TUBB1: variants seen among roughly 807,000 people sequenced by gnomAD.
TUBB1 encodes the protein tubulin beta 1 class VI.
TUBB1 carries 28 observed loss-of-function variants against 22.6 expected under a neutral mutation model. That is an observed-to-expected ratio of 1.24 (90% CI 0.92 to 1.70). The LOEUF is 1.70. Ranked by LOEUF, TUBB1 falls within the 40% of genes most tolerant of loss-of-function variation. The probability of loss-of-function intolerance (pLI) is 0.00; values close to 1 mark genes in which losing one functional copy is unlikely to be tolerated. For missense variants in TUBB1, 577 were observed against 605.5 expected, an observed-to-expected ratio of 0.95 and a Z score of 0.49; for synonymous variants, 226 against 238.0, an observed-to-expected ratio of 0.95 and a Z score of 0.46.
chr20:59,023,399 T>G (rs2091977255), intron 2 of TUBB1, 91 bp from the exon 3 acceptor site: 1 of 1,187,506 alleles, frequency 8.4e-7, no homozygotes. Context: ...TCCATGATTT[T>G]TTTTGGACCA....
intron 1 of TUBB1, among the ~76,000 whole-genome samples, chr20:59,021,257 G>C (rs1448788423): frequency 6.6e-6 from 1 of 152,206 alleles, no homozygotes; most frequent in Non-Finnish European, 1.5e-5. Context: ...TCTCACTCTG[G>C]AATCGTATGG....
In TUBB1 at chr20:59,024,300, G is replaced by A. The variant is rs751253773; in HGVS notation, c.873G>A (p.Gln291=). The A allele has an allele frequency of 5.0e-6, 8 of 1,613,986 alleles. No homozygotes were observed. The East Asian group carries it at 1.6e-4, about 31-fold the overall frequency. Residue 291 remains glutamine, a synonymous_variant, in exon 4 of 4, where the codon CAG becomes CAA. Transcript: ENST00000217133. The surrounding 1 kb of genome is among the most constrained non-coding windows in gnomAD (Gnocchi z 4.9). ...YRALSVAELT[Q]QMFDARNTMA... ...CCCTCTCCGTGGCCGAGCTCACCCA[G>A]CAGATGTTCGATGCCCGCAATACCA...
chr20:59,021,208 C>A (rs1055187142), intron 1 of TUBB1, among the ~76,000 whole-genome samples: 1 of 152,178 alleles, frequency 6.6e-6, no homozygotes, highest in Non-Finnish European at 1.5e-5. Flanking sequence ...CGGAAAGGGG[C>A]CCTCAAGAGA....
rs2091994289 is a variant in TUBB1 at position 59,026,314 on chromosome 20, GCTTT to G, written c.*1534_*1537del. 1 of 152,110 alleles carries G rather than the reference GCTTT, an allele frequency of 6.6e-6. No homozygotes were observed. Among genetic ancestry groups the G allele is most frequent in the South Asian group, 2.1e-4 (1 of 4,828 alleles). The allele number at this position is 152,110 out of a possible 1,614,324, so 9.4% of individuals were successfully genotyped here. The stretch of plus-strand genomic sequence containing the variant: ...ACAAAACAACATTCATGTTTTAAAT[GCTTT>G]CTACTTGTGGTTCAAGAAGCACTAG... On this transcript the variant is annotated 3_prime_UTR_variant, in exon 4 of 4. Transcript: ENST00000217133.
At chr20:59,020,601 CCCTCT>C (rs1293438442) in intron 1 of TUBB1, among the ~76,000 whole-genome samples, 15 of 151,990 alleles carry the variant, frequency 9.9e-5, no homozygotes, top group South Asian at 2.1e-4. Flanking sequence ...CTTTCCCCTC[CCCTCT>C]CATGTTTATT....
At chr20:59,018,211 C>T (rs1452436737), upstream of TUBB1, among the ~76,000 whole-genome samples, 1 of 152,216 alleles carries the variant, frequency 6.6e-6, no homozygotes, top group Non-Finnish European at 1.5e-5. Flanking sequence ...GAACTGCCAC[C>T]CTCCTGGGCA....
chr20:59,021,082 A>T (rs137992965), intron 1 of TUBB1, among the ~76,000 whole-genome samples: 1 of 152,210 alleles, frequency 6.6e-6, no homozygotes, highest in African/African-American at 2.4e-5. Flanking sequence ...GGCAAGGAAC[A>T]TTACTGCTTG....
At chr20:59,020,547 T>G (rs969333386) in intron 1 of TUBB1, among the ~76,000 whole-genome samples, 13 of 152,252 alleles carry the variant, frequency 8.5e-5, no homozygotes, top group African/African-American at 3.1e-4. Flanking sequence ...AAACAGCTTT[T>G]TGAAGTTTTT....
At chr20:59,018,933 G>A (rs1404087857), upstream of TUBB1, among the ~76,000 whole-genome samples, 5 of 152,256 alleles carry the variant, frequency 3.3e-5, no homozygotes, top group Non-Finnish European at 7.3e-5. Flanking sequence ...GGGCGAGAGA[G>A]GGCATGTGGG....
chr20:59,019,527 G>A lies in TUBB1; in HGVS notation c.5G>A (p.Arg2His), dbSNP rs1419686007. 22 of 1,614,054 alleles carry A rather than the reference G, an allele frequency of 1.4e-5. No individual in the cohort carries two copies. Among genetic ancestry groups the A allele is most frequent in the Admixed American group, 1.7e-5 (1 of 60,006 alleles). M[R>H]EIVHIQIGQC... Reference sequence around the variant, plus strand: ...AGACTTGGGCTCAGAGCAAGGATGCGTGAAATTGTCCATATTCAGATTGGC... The same window carrying A: ...AGACTTGGGCTCAGAGCAAGGATGCATGAAATTGTCCATATTCAGATTGGC... Residue 2 changes from arginine (R) to histidine (H), a missense_variant, in exon 1 of 4, where the codon CGT becomes CAT. Arg to His is a conservative substitution (Grantham distance 29). Coordinates refer to ENST00000217133, the MANE Select transcript of TUBB1 (RefSeq NM_030773.4).
intron 1 of TUBB1, among the ~76,000 whole-genome samples, chr20:59,022,008 T>C (rs151351): frequency 0.6 from 89,494 of 149,136 alleles, 28,074 homozygotes; most frequent in East Asian, 0.89. Flanking sequence ...AATAAATAAA[T>C]AAACAAACAA....
At position 59,024,298 on chromosome 20, in the gene TUBB1, C is replaced by CA. The variant is rs1351485890; in HGVS notation, c.872dup (p.Gln292AlafsTer13). ...AGCCCTCTCCGTGGCCGAGCTCACC[C>CA]AGCAGATGTTCGATGCCCGCAATAC... On this transcript the variant is annotated frameshift_variant, in exon 4 of 4. Transcript: ENST00000217133. LOFTEE classifies it low-confidence loss of function (END_TRUNC). This position sits in a 1 kb window ranked among gnomAD's most constrained non-coding sequence, Gnocchi z 4.9. The CA allele has an allele frequency of 3.1e-6, 5 of 1,613,920 alleles. No individual in the cohort carries two copies. Among genetic ancestry groups the CA allele is most frequent in the Non-Finnish European group, 4.2e-6 (5 of 1,180,050 alleles).
rs1601238563 is a variant in TUBB1 at position 59,023,724 on chromosome 20, C to T, written c.297C>T (p.Asn99=). ...CCACAGGTAACTCTGGGGCTGGCAA[C>T]AACTGGGCCAAAGGCCACTACACGG... is the stretch of plus-strand genomic sequence containing the variant. ...SFVHGNSGAG[N]NWAKGHYTEG... The change falls in exon 4 of 4, where the codon AAC becomes AAT. Residue 99 remains asparagine (N), a synonymous_variant. Transcript: ENST00000217133. 3 of 1,614,098 alleles carry T rather than the reference C, an allele frequency of 1.9e-6. No individual in the cohort carries two copies. Among genetic ancestry groups the T allele is most frequent in the Non-Finnish European group, 2.5e-6 (3 of 1,180,052 alleles).
chr20:59,020,607 C>G (rs547656414), intron 1 of TUBB1, among the ~76,000 whole-genome samples: 12 of 152,240 alleles, frequency 7.9e-5, no homozygotes, highest in African/African-American at 2.9e-4. Context: ...CCTCCCCTCT[C>G]ATGTTTATTG....
chr20:59,019,179 T>G (rs562432386), upstream of TUBB1: 11 of 380,882 alleles, frequency 2.9e-5, no homozygotes, highest in Admixed American at 4.3e-4. Flanking sequence ...CCTAGAAGCC[T>G]GCAAACAGTG....
In TUBB1 at chr20:59,025,283, C is replaced by T. The variant is rs370637647; in HGVS notation, c.*500C>T. 12 of 220,562 alleles carry T rather than the reference C, an allele frequency of 5.4e-5. No homozygotes were observed. In the East Asian group the frequency reaches 7.4e-4, roughly 14 times the overall value. 13.7% of individuals were successfully genotyped at this position (220,562 alleles called of 1,614,324 possible). A position where few individuals can be genotyped will look rare whatever the true frequency, so the allele number is the denominator to read the frequency against. On this transcript the variant is annotated 3_prime_UTR_variant, in exon 4 of 4. Coordinates refer to ENST00000217133, the MANE Select transcript of TUBB1 (RefSeq NM_030773.4). ...TGCCAGCCTCCAGAAGAGCCAGGTG[C>T]CTGACTAGTACATGGGGAGCTACAG...
Position 59,022,520 on chromosome 20 carries a change from T to C in TUBB1, c.58-325T>C, listed in dbSNP as rs111262981. ...GCATTATAAGGAGAAATTAGAGCTA[T>C]ATTGACATTAAATTCTAAAACAACA... is the stretch of plus-strand genomic sequence containing the variant. On this transcript the variant is annotated intron_variant, in intron 1 of 3. Coordinates refer to ENST00000217133, the MANE Select transcript of TUBB1 (RefSeq NM_030773.4). Among the ~76,000 whole-genome samples the C allele has an allele frequency of 9.9e-3, 1,510 of 152,332 alleles. 15 individuals are homozygous for C. Among genetic ancestry groups the C allele is most frequent in the Middle Eastern group, 0.037 (11 of 294 alleles).
At position 59,026,274 on chromosome 20, in the gene TUBB1, C is replaced by A. The variant is rs2091994054; in HGVS notation, c.*1491C>A. 1 of 152,170 alleles carries A rather than the reference C, an allele frequency of 6.6e-6. No individual in the cohort carries two copies. Among genetic ancestry groups the A allele is most frequent in the African/African-American group, 2.4e-5 (1 of 41,428 alleles). The allele number at this position is 152,170 out of a possible 1,614,324, so 9.4% of individuals were successfully genotyped here. On this transcript the variant is annotated 3_prime_UTR_variant, in exon 4 of 4. Transcript: ENST00000217133. The stretch of plus-strand genomic sequence containing the variant: ...GGATCATCAACAAGTCTTCTATTTA[C>A]AAACTTCAAAAAACACAAAACAACA...
rs2146377060 is a variant in TUBB1 at position 59,024,051 on chromosome 20, T to A, written c.624T>A (p.Tyr208Ter). The change falls in exon 4 of 4, where the codon TAT (tyrosine) becomes TAA (stop). Residue 208 changes from tyrosine (Y) to a stop codon, truncating the protein, a stop_gained. Coordinates refer to ENST00000217133, the MANE Select transcript of TUBB1 (RefSeq NM_030773.4). LOFTEE classifies it high-confidence loss of function. The surrounding 1 kb of genome is among the most constrained non-coding windows in gnomAD (Gnocchi z 4.9). ...ACFCIDNEALYDICFRTLKLT... is the reference protein window; with the variant it reads ...ACFCIDNEAL ...TCTGCATTGACAATGAGGCCCTCTA[T>A]GACATCTGCTTCCGTACCCTGAAGC... 1.3e-5 allele frequency: 21 copies of A among 1,614,216 alleles called. No homozygotes were observed. The highest frequency in any genetic ancestry group is 1.8e-5 in the Non-Finnish European group (21 of 1,180,032).
Sources: allele counts gnomAD v4.1 joint callset (sites outside exome capture counted in the v4.1 genomes callset), GRCh38; gene constraint gnomAD v4.1.1; non-coding constraint Gnocchi (gnomAD v3.1); transcripts MANE v1.5; gene names NCBI Gene and HGNC (gene_info 2026-07-23, HGNC 2026-07-21).